Variants in PAK5 observed in about 807,000 individuals in gnomAD.
PAK5 encodes the protein serine/threonine-protein kinase PAK 5.
A neutral mutation model predicts 65.9 loss-of-function variants in PAK5; 16 were observed. That is an observed-to-expected ratio of 0.24 (90% confidence interval 0.16 to 0.37). The LOEUF is 0.37. Among genes scored for constraint, PAK5 ranks in the 10% least tolerant of loss-of-function variants. PAK5 has a pLI of 1.00. For missense variants in PAK5, 785 were observed against 903.9 expected (o/e 0.87, Z 1.69); for synonymous variants, 371 against 354.9 (o/e 1.05, Z -0.51).
At chr20:9,644,535 A>C (rs1240678517) in intron 2 of PAK5, among the ~76,000 whole-genome samples, 196 bp from the exon 3 acceptor site, 1 of 152,096 alleles carries the variant, frequency 6.6e-6, no homozygotes, top group Non-Finnish European at 1.5e-5. Flanking sequence ...TCCCTCCTTA[A>C]ACTTGCCATG....
intron 9 of PAK5, among the ~76,000 whole-genome samples, chr20:9,540,473 G>T (rs1222808204): frequency 6.7e-6 from 1 of 149,288 alleles, no homozygotes; most frequent in Non-Finnish European, 1.5e-5. Flanking sequence ...TCATATATTT[G>T]ATTTCTTCTC....
At chr20:9,813,579 A>G (rs558677527) in intron 1 of PAK5, among the ~76,000 whole-genome samples, 1 of 152,340 alleles carries the variant, frequency 6.6e-6, no homozygotes, top group African/African-American at 2.4e-5. Flanking sequence ...ATAGCCCTAA[A>G]TGGAAAACCA....
At chr20:9,687,916 A>G (rs938300525) in intron 2 of PAK5, among the ~76,000 whole-genome samples, 6 of 128,512 alleles carry the variant, frequency 4.7e-5, no homozygotes, top group African/African-American at 2.0e-4. Flanking sequence ...TGTGTGTGTT[A>G]TGTGTGTGCA....
chr20:9,653,992 GC>G, intron 2 of PAK5, among the ~76,000 whole-genome samples: 1 of 141,800 alleles, frequency 7.1e-6, no homozygotes, highest in Non-Finnish European at 1.5e-5. Context: ...GTCACGTGCT[GC>G]CCCCCAGGCT....
chr20:9,659,378 T>C (rs566383316), intron 2 of PAK5, among the ~76,000 whole-genome samples: 11 of 152,282 alleles, frequency 7.2e-5, no homozygotes, highest in Admixed American at 3.3e-4. Context: ...CTCTTTTCCA[T>C]CTGAGGGTCA....
At chr20:9,716,705 T>A (rs1403150232) in intron 1 of PAK5, among the ~76,000 whole-genome samples, 1 of 152,222 alleles carries the variant, frequency 6.6e-6, no homozygotes, top group Non-Finnish European at 1.5e-5. Flanking sequence ...TCTCCTCTCA[T>A]ATTTCTTTCT....
At chr20:9,751,953 T>A (rs1408414398) in intron 1 of PAK5, among the ~76,000 whole-genome samples, 6 of 152,164 alleles carry the variant, frequency 3.9e-5, no homozygotes, top group African/African-American at 1.4e-4. Flanking sequence ...AGACGCTGTG[T>A]TTTTCTTTTT....
At chr20:9,627,630 C>T (rs2046863692) in intron 3 of PAK5, among the ~76,000 whole-genome samples, 1 of 151,984 alleles carries the variant, frequency 6.6e-6, no homozygotes, top group African/African-American at 2.4e-5. Context: ...TTTTCCTTTT[C>T]TTTTCTTTTT....
chr20:9,650,042 T>A (rs78741596), intron 2 of PAK5, among the ~76,000 whole-genome samples: 7,557 of 152,262 alleles, frequency 0.05, 591 homozygotes, highest in African/African-American at 0.17. Context: ...CCAGCCCCCA[T>A]GGTGCAGCAT....
At chr20:9,715,609 C>T (rs74751486) in intron 1 of PAK5, among the ~76,000 whole-genome samples, 35,898 of 151,308 alleles carry the variant, frequency 0.24, 4,659 homozygotes, top group East Asian at 0.37. Context: ...ATGTTTATTG[C>T]GGCACTATTC....
intron 1 of PAK5, among the ~76,000 whole-genome samples, chr20:9,752,416 G>A (rs894770356): frequency 2.0e-5 from 3 of 151,996 alleles, no homozygotes; most frequent in African/African-American, 2.4e-5. Flanking sequence ...TGTGAAGAAC[G>A]GATTAGGGAT....
intron 1 of PAK5, among the ~76,000 whole-genome samples, chr20:9,776,020 T>C (rs2048883703): frequency 6.6e-6 from 1 of 152,222 alleles, no homozygotes; most frequent in African/African-American, 2.4e-5. Context: ...ATAGTGATTC[T>C]TGAAAGTTTT....
intron 3 of PAK5, among the ~76,000 whole-genome samples, chr20:9,632,899 A>G (rs1450258641): frequency 6.6e-6 from 1 of 152,226 alleles, no homozygotes; most frequent in Admixed American, 6.5e-5. Context: ...GGAGTCAGAT[A>G]GGTATAAGGT....
At chr20:9,586,324 T>G (rs2046069153) in intron 3 of PAK5, among the ~76,000 whole-genome samples, 2 of 152,264 alleles carry the variant, frequency 1.3e-5, no homozygotes, top group South Asian at 4.1e-4. Context: ...CCTTTGGAAG[T>G]TACAGGTCCC....
At chr20:9,777,853 A>G (rs2048902608) in intron 1 of PAK5, among the ~76,000 whole-genome samples, 1 of 152,138 alleles carries the variant, frequency 6.6e-6, no homozygotes, top group South Asian at 2.1e-4. Context: ...GGGAGAATGA[A>G]CAAGGTGAGG....
chr20:9,706,043 A>G (rs1003457029), intron 2 of PAK5, among the ~76,000 whole-genome samples: 2 of 152,186 alleles, frequency 1.3e-5, no homozygotes, highest in Non-Finnish European at 2.9e-5. Flanking sequence ...CAATTGACAC[A>G]ACTCAGTCTC....
intron 2 of PAK5, among the ~76,000 whole-genome samples, chr20:9,660,908 C>T (rs1569026034): frequency 6.6e-6 from 1 of 152,020 alleles, no homozygotes; most frequent in Non-Finnish European, 1.5e-5. Flanking sequence ...CAAGTGTGGT[C>T]GCAGACCAGC....
intron 3 of PAK5, among the ~76,000 whole-genome samples, chr20:9,626,029 T>C (rs1302730717): frequency 2.6e-5 from 4 of 152,126 alleles, no homozygotes; most frequent in Non-Finnish European, 5.9e-5. Flanking sequence ...GGTAAGAATA[T>C]AAATAGGCCA....
intron 2 of PAK5, among the ~76,000 whole-genome samples, chr20:9,681,398 C>T (rs1042719536): frequency 2.6e-5 from 4 of 152,182 alleles, no homozygotes; most frequent in African/African-American, 9.6e-5. Context: ...GTAATATAGA[C>T]GGGTTAAAAT....
Sources: allele counts gnomAD v4.1 joint callset (sites outside exome capture counted in the v4.1 genomes callset), GRCh38; gene constraint gnomAD v4.1.1; transcripts MANE v1.5; gene names NCBI Gene and HGNC (gene_info 2026-07-23, HGNC 2026-07-21).